Variants in ANKH observed in about 807,000 individuals in gnomAD.
ANKH encodes the protein ANKH inorganic pyrophosphate transport regulator.
A neutral mutation model predicts 49.0 loss-of-function variants in ANKH; 15 were observed. The observed-to-expected ratio is 0.31, with a 90% CI of 0.20 to 0.47. The LOEUF is 0.47. Among genes scored for constraint, ANKH ranks in the 20% least tolerant of loss-of-function variants. The probability of loss-of-function intolerance (pLI) is 1.00; values close to 1 mark genes in which losing one functional copy is unlikely to be tolerated. For missense variants in ANKH, 429 were observed against 652.0 expected (o/e 0.66, Z 3.72); for synonymous variants, 273 against 260.0 (o/e 1.05, Z -0.48).
At chr5:14,798,876 AT>A (rs1410323948) in intron 1 of ANKH, among the ~76,000 whole-genome samples, 4 of 152,310 alleles carry the variant, frequency 2.6e-5, no homozygotes, top group African/African-American at 9.6e-5. Flanking sequence ...GCCTCTAACT[AT>A]TCAAGTGAAA....
intron 1 of ANKH, among the ~76,000 whole-genome samples, chr5:14,836,738 T>G (rs866889949): frequency 6.6e-6 from 1 of 151,936 alleles, no homozygotes; most frequent in Admixed American, 6.6e-5. Context: ...AAGCTACCAA[T>G]GACTTTCTTC....
At chr5:14,734,866 TAGA>T (rs1471729684) in intron 8 of ANKH, among the ~76,000 whole-genome samples, 10 of 152,312 alleles carry the variant, frequency 6.6e-5, no homozygotes, top group East Asian at 3.9e-4. Flanking sequence ...AAGTGGTAAA[TAGA>T]AGAAGAGATC....
intron 1 of ANKH, among the ~76,000 whole-genome samples, chr5:14,808,140 CAGAAAAGTATACAAAGGAAG>C (rs1740761234): frequency 6.6e-6 from 1 of 152,032 alleles, no homozygotes; most frequent in Admixed American, 6.6e-5. Flanking sequence ...GTGTTAAACA[CAGAAAAGTATACAAAGGAAG>C]GAAAAATCAG....
chr5:14,792,992 AT>A (rs1267935494), intron 1 of ANKH, among the ~76,000 whole-genome samples: 17 of 65,592 alleles, frequency 2.6e-4, no homozygotes, highest in Non-Finnish European at 4.5e-4. Flanking sequence ...ATATATAAAA[AT>A]ATATATATAT....
At position 14,712,895 on chromosome 5, in the gene ANKH, C is replaced by T. The variant is rs199586645; in HGVS notation, c.1344G>A (p.Ala448=). Residue 448 remains alanine (A), a synonymous_variant, in exon 11 of 12, where the codon GCG becomes GCA. Coordinates refer to ENST00000284268, the MANE Select transcript of ANKH (RefSeq NM_054027.6). ...VGESTMVAIA[A]CYVYRKQKKK... The stretch of plus-strand genomic sequence containing the variant: ...TCACCTGCTTCCGGTAGACATAGCA[C>T]GCAGCGATGGCGACCATGGTGGATT... 3.7e-5 allele frequency: 59 copies of T among 1,611,860 alleles called. No individual in the cohort carries two copies. The highest frequency in any genetic ancestry group is 4.4e-5 in the Non-Finnish European group (52 of 1,179,358).
At chr5:14,870,927 T>G in intron 1 of ANKH, 1 of 356,534 alleles carries the variant, frequency 2.8e-6, no homozygotes, top group Non-Finnish European at 5.5e-6. Flanking sequence ...TGGAAGTACC[T>G]GGGAAATCAA....
At chr5:14,846,970 T>G (rs967478675) in intron 1 of ANKH, among the ~76,000 whole-genome samples, 18 of 142,006 alleles carry the variant, frequency 1.3e-4, no homozygotes, top group African/African-American at 3.2e-4. Context: ...ATCATGCCAC[T>G]GCGGTCCAGC....
chr5:14,783,833 G>A (rs1436935220), intron 1 of ANKH, among the ~76,000 whole-genome samples: 2 of 152,158 alleles, frequency 1.3e-5, no homozygotes, highest in Admixed American at 6.6e-5. Context: ...TCATGCATAC[G>A]TGATACAGGA....
intron 1 of ANKH, among the ~76,000 whole-genome samples, chr5:14,861,362 A>T (rs933183048): frequency 6.6e-6 from 1 of 152,178 alleles, no homozygotes; most frequent in African/African-American, 2.4e-5. Flanking sequence ...AATCCTCATT[A>T]ACCTGTCAGC....
At chr5:14,820,733 A>G (rs1167910883) in intron 1 of ANKH, among the ~76,000 whole-genome samples, 1 of 152,216 alleles carries the variant, frequency 6.6e-6, no homozygotes, top group Non-Finnish European at 1.5e-5. Flanking sequence ...GGTTAAGAAG[A>G]AGGCTCAGGG....
intron 1 of ANKH, among the ~76,000 whole-genome samples, chr5:14,818,084 G>GA (rs34211280): frequency 0.35 from 45,765 of 129,916 alleles, 8,178 homozygotes; most frequent in African/African-American, 0.38. Context: ...AAAAAAAAAG[G>GA]AAAAAAAAAA....
intron 7 of ANKH, among the ~76,000 whole-genome samples, chr5:14,743,769 T>C (rs1332441468): frequency 6.6e-6 from 1 of 152,204 alleles, no homozygotes; most frequent in East Asian, 1.9e-4. Flanking sequence ...TTAAAAGGAT[T>C]TGGAGTAACT....
intron 1 of ANKH, among the ~76,000 whole-genome samples, chr5:14,778,720 A>C (rs1179791189): frequency 1.3e-5 from 2 of 151,960 alleles, no homozygotes; most frequent in African/African-American, 4.8e-5. Flanking sequence ...CAGGGTCATC[A>C]CTTAACCCCA....
intron 1 of ANKH, among the ~76,000 whole-genome samples, chr5:14,792,580 A>C (rs1281149667): frequency 1.3e-5 from 2 of 152,120 alleles, no homozygotes; most frequent in African/African-American, 2.4e-5. Flanking sequence ...AAAGGAAAGA[A>C]CGATTTGGGG....
chr5:14,845,417 T>C (rs1741931895), intron 1 of ANKH, among the ~76,000 whole-genome samples: 2 of 151,694 alleles, frequency 1.3e-5, no homozygotes. Flanking sequence ...CAGTATAAAA[T>C]AAATTAAAGA....
intron 1 of ANKH, among the ~76,000 whole-genome samples, chr5:14,858,279 A>G (rs1286874932): frequency 6.6e-6 from 1 of 152,128 alleles, no homozygotes; most frequent in Non-Finnish European, 1.5e-5. Flanking sequence ...CTTCCCCCAG[A>G]GCCCCCAAAG....
intron 1 of ANKH, among the ~76,000 whole-genome samples, chr5:14,786,201 C>T (rs912882120): frequency 1.3e-5 from 2 of 151,930 alleles, no homozygotes; most frequent in Non-Finnish European, 2.9e-5. Flanking sequence ...AGAGACAAAA[C>T]TATAAACTTC....
At chr5:14,717,757 A>G (rs1379400877) in intron 8 of ANKH, among the ~76,000 whole-genome samples, 2 of 152,222 alleles carry the variant, frequency 1.3e-5, no homozygotes, top group Admixed American at 6.5e-5. Flanking sequence ...AAAGTGTTTT[A>G]GATTCTGAAT....
chr5:14,841,188 G>C (rs1281376614), intron 1 of ANKH, among the ~76,000 whole-genome samples: 1 of 151,924 alleles, frequency 6.6e-6, no homozygotes, highest in Non-Finnish European at 1.5e-5. Context: ...AAAAAACTTA[G>C]GCCTCTTAAG....
Sources: gnomAD v4.1 joint callset for allele counts (sites outside exome capture counted in the v4.1 genomes callset) on GRCh38, gnomAD v4.1.1 for gene constraint, MANE v1.5 for transcripts, NCBI Gene and HGNC (gene_info 2026-07-23, HGNC 2026-07-21) for gene names.